The following ZNF730 variants were observed in gnomAD, a reference collection of about 807,000 sequenced individuals.
ZNF730 encodes the protein zinc finger protein 730.
A neutral mutation model predicts 12.6 loss-of-function variants in ZNF730; 12 were observed. The ratio of observed to expected loss-of-function variants is 0.95; its 90% CI spans 0.61 to 1.54. The LOEUF (loss-of-function observed/expected upper bound fraction) is 1.54, where lower values mean the gene tolerates loss of function less well. Ranked by LOEUF, ZNF730 falls within the 40% of genes most tolerant of loss-of-function variation. The pLI, the probability that ZNF730 is intolerant of heterozygous loss-of-function variation, is 0.00. For missense variants in ZNF730, 643 were observed against 583.5 expected, an observed-to-expected ratio of 1.10 and a Z score of -1.05; for synonymous variants, 194 against 195.8, an observed-to-expected ratio of 0.99 and a Z score of 0.08.
Position 23,122,366 on chromosome 19 carries a change from C to T in ZNF730, c.3+5190C>T, listed in dbSNP as rs142780694. Reference sequence around the variant, plus strand: ...CCATACTGGCCAGGCTAGTCTCAAACTCCTGACCTCAGGTGATCCTCCTGC... The same window carrying T: ...CCATACTGGCCAGGCTAGTCTCAAATTCCTGACCTCAGGTGATCCTCCTGC... On this transcript the variant is annotated intron_variant, in intron 1 of 3. Transcript: ENST00000597761. 8.1e-3 allele frequency among the ~76,000 whole-genome samples: 1,232 copies of T among 152,234 alleles called. 24 individuals carry two copies. The highest frequency in any genetic ancestry group is 0.028 in the African/African-American group (1,177 of 41,548).
chr19:23,096,299 C>A (rs529111585), intron 1 of ZNF730, among the ~76,000 whole-genome samples: 1 of 152,324 alleles, frequency 6.6e-6, no homozygotes, highest in African/African-American at 2.4e-5. Context: ...TATCAAGAAC[C>A]TAGGTGAGGT....
upstream of ZNF730, chr19:23,117,023 C>T (rs975721614): frequency 6.8e-6 from 8 of 1,184,270 alleles, no homozygotes; most frequent in Non-Finnish European, 7.8e-6. Flanking sequence ...GGATTTGGCG[C>T]GGCCTTTGTT....
Position 23,145,321 on chromosome 19 carries a change from G to T in ZNF730, c.277G>T (p.Asp93Tyr), listed in dbSNP as rs539236292. The T allele has an allele frequency of 5.7e-6, 9 of 1,589,172 alleles. No homozygotes were observed. Among genetic ancestry groups the T allele is most frequent in the Non-Finnish European group, 7.7e-6 (9 of 1,170,712 alleles). The change falls in exon 4 of 4, where the codon GAT becomes TAT. Residue 93 changes from aspartate to tyrosine, a missense_variant. Physicochemically the swap from Asp to Tyr is radical, Grantham distance 160. Coordinates refer to ENST00000597761, the MANE Select transcript of ZNF730 (RefSeq NM_001277403.2). Reference protein sequence around the residue: ...QDLWPEQGIKDYFQEVILRQY... With the variant: ...QDLWPEQGIKYYFQEVILRQY... ...CCTTTGGCCAGAGCAAGGCATAAAA[G>T]ATTATTTCCAAGAAGTCATACTGAG...
At chr19:23,116,383 T>TTC (rs913004285), upstream of ZNF730, among the ~76,000 whole-genome samples, 6 of 147,838 alleles carry the variant, frequency 4.1e-5, no homozygotes, top group East Asian at 5.9e-4. Context: ...TTCTTTCTTT[T>TTC]TCTCTCTCTC....
chr19:23,091,840 G>A (rs1230581307), intron 1 of ZNF730, among the ~76,000 whole-genome samples: 1 of 152,158 alleles, frequency 6.6e-6, no homozygotes, highest in Non-Finnish European at 1.5e-5. Context: ...TTTGGACTGT[G>A]GACTTTTGGG....
intron 3 of ZNF730, among the ~76,000 whole-genome samples, chr19:23,142,058 A>G (rs1053653586): frequency 6.6e-6 from 1 of 152,190 alleles, no homozygotes; most frequent in Non-Finnish European, 1.5e-5. Flanking sequence ...ACACACAGAA[A>G]CAAACACACA....
intron 1 of ZNF730, among the ~76,000 whole-genome samples, chr19:23,079,659 T>G (rs899534529): frequency 1.5e-4 from 23 of 152,250 alleles, no homozygotes; most frequent in Non-Finnish European, 2.4e-4. Context: ...CATTATTAGG[T>G]GTACAGTTTA....
chr19:23,105,561 G>T (rs1970383840), intron 1 of ZNF730, among the ~76,000 whole-genome samples: 1 of 152,146 alleles, frequency 6.6e-6, no homozygotes, highest in South Asian at 2.1e-4. Flanking sequence ...AAGAAAAATT[G>T]CAAGGACTTA....
intron 1 of ZNF730, chr19:23,095,205 C>T (rs1220081671): frequency 2.5e-6 from 1 of 393,586 alleles, no homozygotes; most frequent in Non-Finnish European, 4.5e-6. Flanking sequence ...GACATAGTGA[C>T]ATATCACTGG....
rs191318599 is a variant in ZNF730 at position 23,105,988 on chromosome 19, G to A, written c.-93-28092G>A. ...CCAATTATATGGCATTGTAGAAAAA[G>A]AAAGTTATAGAGATTGATTATAATC... On this transcript the variant is annotated intron_variant, in intron 1 of 2. Transcript: ENST00000593635. Among the ~76,000 whole-genome samples the A allele has an allele frequency of 7.3e-3, 1,118 of 152,290 alleles. 8 individuals are homozygous for A. Among genetic ancestry groups the A allele is most frequent in the African/African-American group, 0.024 (1,017 of 41,566 alleles).
rs376624570 is a variant in ZNF730 at position 23,117,595 on chromosome 19, TAAAG to T, written c.3+422_3+425del. Among the ~76,000 whole-genome samples the T allele has an allele frequency of 3.3e-4, 50 of 152,098 alleles. No individual in the cohort carries two copies. In the East Asian group the frequency reaches 7.5e-3, roughly 23 times the overall value. ...TTTATGGGAGTCATCACCAAAATAT[TAAAG>T]AATTTAATTAAAGAATGATTCTAAA... On this transcript the variant is annotated intron_variant, in intron 1 of 3. Coordinates refer to ENST00000597761, the MANE Select transcript of ZNF730 (RefSeq NM_001277403.2).
At chr19:23,107,149 A>AC (rs1336610451) in intron 1 of ZNF730, among the ~76,000 whole-genome samples, 2 of 149,218 alleles carry the variant, frequency 1.3e-5, no homozygotes, top group Non-Finnish European at 3.0e-5. Context: ...TGAAGCCTCC[A>AC]CCTCCCAGGT....
upstream of ZNF730, chr19:23,116,967 G>A (rs1001353994): frequency 9.6e-6 from 8 of 835,656 alleles, no homozygotes; most frequent in African/African-American, 3.4e-5. Flanking sequence ...CTGGGCGGGG[G>A]GCCGTCCAAT....
chr19:23,146,411 A>C lies in ZNF730; in HGVS notation c.1367A>C (p.Glu456Ala). 3.7e-6 allele frequency: 6 copies of C among 1,613,408 alleles called. 1 individual carries two copies. The South Asian group carries it at 6.6e-5, about 18-fold the overall frequency. The change falls in exon 4 of 4, where the codon GAA becomes GCA. Residue 456 changes from glutamate to alanine, a missense_variant. Transcript: ENST00000597761. ...GGAGAGAAACCCTATGAATGTGAAG[A>C]ATGTGGCAAAGCTTTTAACCGGTCC... ...HTGEKPYECEECGKAFNRSST... is the reference protein window; with the variant it reads ...HTGEKPYECEACGKAFNRSST...
At chr19:23,120,099 G>GT (rs1358599421) in intron 1 of ZNF730, among the ~76,000 whole-genome samples, 1 of 150,656 alleles carries the variant, frequency 6.6e-6, no homozygotes, top group Non-Finnish European at 1.5e-5. Flanking sequence ...GGTTCAAGCA[G>GT]TTCTCCTGCC....
chr19:23,081,746 C>T (rs1969969702), intron 1 of ZNF730, among the ~76,000 whole-genome samples: 1 of 152,156 alleles, frequency 6.6e-6, no homozygotes, highest in Admixed American at 6.6e-5. Flanking sequence ...TGAGCCAACA[C>T]ACCCAGCCTT....
chr19:23,142,764 G>C (rs1462041527), intron 3 of ZNF730, among the ~76,000 whole-genome samples: 1 of 148,474 alleles, frequency 6.7e-6, no homozygotes, highest in Non-Finnish European at 1.5e-5. Flanking sequence ...TTTTATGAAA[G>C]AGAAAGACTT....
In ZNF730 at chr19:23,145,753, T is replaced by C. The variant is rs777081631; in HGVS notation, c.709T>C (p.Phe237Leu). The C allele has an allele frequency of 1.4e-5, 22 of 1,566,446 alleles. No homozygotes were observed. The South Asian group carries it at 2.4e-4, about 17-fold the overall frequency. ...CAAATGTAAAGAATGTGGCAAAGCC[T>C]TTAACTGGTTTTCACATTTTACTAC... The part of the protein sequence containing the change: ...PYKCKECGKA[F>L]NWFSHFTTHK... Residue 237 changes from phenylalanine (F) to leucine (L), a missense_variant, in exon 4 of 4, where the codon TTT (phenylalanine) becomes CTT (leucine). Physicochemically the swap from Phe to Leu is conservative, Grantham distance 22 (BLOSUM62 0). Coordinates refer to ENST00000597761, the MANE Select transcript of ZNF730 (RefSeq NM_001277403.2).
intron 1 of ZNF730, among the ~76,000 whole-genome samples, chr19:23,120,999 G>A (rs1374600023): frequency 2.6e-5 from 4 of 152,094 alleles, no homozygotes; most frequent in African/African-American, 9.7e-5. Context: ...CCATGTAATT[G>A]TATAATTTCA....
Sources: gnomAD v4.1 joint callset for allele counts (sites outside exome capture counted in the v4.1 genomes callset) on GRCh38, gnomAD v4.1.1 for gene constraint, MANE v1.5 for transcripts, NCBI Gene and HGNC (gene_info 2026-07-23, HGNC 2026-07-21) for gene names.